RBFOX1: variants seen among roughly 807,000 people sequenced by gnomAD.
RBFOX1 encodes RNA binding protein fox-1 homolog 1.
A neutral mutation model predicts 57.7 loss-of-function variants in RBFOX1; 8 were observed. That is an observed-to-expected ratio of 0.14 (90% CI 0.08 to 0.25). The LOEUF is 0.25. RBFOX1 is among the 10% of genes least tolerant of loss of function. The pLI is 1.00. For missense variants in RBFOX1, 611 were observed against 548.5 expected, an observed-to-expected ratio of 1.11 and a Z score of -1.14; for synonymous variants, 326 against 222.4, an observed-to-expected ratio of 1.47 and a Z score of -4.15.
At chr16:6,695,783 A>C (rs769705995) in intron 3 of RBFOX1, among the ~76,000 whole-genome samples, 1 of 152,226 alleles carries the variant, frequency 6.6e-6, no homozygotes, top group Non-Finnish European at 1.5e-5. Flanking sequence ...AGTAAATAAC[A>C]GTTCTTTGAT....
chr16:7,694,410 G>A (rs1453458797), intron 14 of RBFOX1, among the ~76,000 whole-genome samples: 1 of 152,206 alleles, frequency 6.6e-6, no homozygotes, highest in Non-Finnish European at 1.5e-5. Flanking sequence ...AGGACAGAGA[G>A]CTAGGAACAT....
intron 4 of RBFOX1, among the ~76,000 whole-genome samples, chr16:5,896,986 T>C (rs1053743139): frequency 1.7e-3 from 253 of 144,630 alleles, no homozygotes; most frequent in Admixed American, 3.9e-3. Flanking sequence ...CATAAGGCTC[T>C]CCACCCCCCA....
At chr16:6,673,173 A>G (rs1246454886) in intron 3 of RBFOX1, among the ~76,000 whole-genome samples, 1 of 152,144 alleles carries the variant, frequency 6.6e-6, no homozygotes, top group Admixed American at 6.5e-5. Flanking sequence ...CAGGCTCATC[A>G]TTTTATGGTC....
At chr16:6,444,316 C>T (rs2094443235) in intron 2 of RBFOX1, among the ~76,000 whole-genome samples, 1 of 152,152 alleles carries the variant, frequency 6.6e-6, no homozygotes, top group African/African-American at 2.4e-5. Flanking sequence ...AGCCAATGTT[C>T]CAAGCAGAAG....
At chr16:5,781,458 G>A (rs1352864805) in intron 3 of RBFOX1, among the ~76,000 whole-genome samples, 2 of 152,186 alleles carry the variant, frequency 1.3e-5, no homozygotes, top group East Asian at 3.8e-4. Context: ...AGTAGGCCCA[G>A]CTCAGTCACT....
intron 4 of RBFOX1, among the ~76,000 whole-genome samples, chr16:7,289,795 A>C (rs970342938): frequency 6.6e-6 from 1 of 152,204 alleles, no homozygotes; most frequent in South Asian, 2.1e-4. Flanking sequence ...TAAAAATATT[A>C]GTGCTTGTCT....
At chr16:5,598,098 A>T (rs992715075) in intron 2 of RBFOX1, among the ~76,000 whole-genome samples, 1 of 152,062 alleles carries the variant, frequency 6.6e-6, no homozygotes, top group African/African-American at 2.4e-5. Context: ...GGAGTTCGAG[A>T]CCAGCCTGGC....
intron 4 of RBFOX1, among the ~76,000 whole-genome samples, chr16:7,264,535 C>T (rs1397738530): frequency 2.0e-5 from 3 of 152,138 alleles, no homozygotes; most frequent in Non-Finnish European, 4.4e-5. Flanking sequence ...GTCTCTGCCA[C>T]AAGTATTGAA....
At chr16:7,227,035 G>C (rs529141982) in intron 4 of RBFOX1, among the ~76,000 whole-genome samples, 1 of 151,974 alleles carries the variant, frequency 6.6e-6, no homozygotes, top group African/African-American at 2.4e-5. Context: ...TGTCCTCTCC[G>C]GCATTGCACA....
chr16:6,258,755 G>A (rs760657842), intron 1 of RBFOX1, among the ~76,000 whole-genome samples: 6 of 152,268 alleles, frequency 3.9e-5, no homozygotes, highest in Non-Finnish European at 7.4e-5. Context: ...ATAACTAAGA[G>A]AGTTTAGTTG....
intron 1 of RBFOX1, among the ~76,000 whole-genome samples, chr16:6,247,800 C>A (rs902232824): frequency 2.6e-5 from 4 of 152,168 alleles, no homozygotes; most frequent in African/African-American, 4.8e-5. Context: ...GTGCGAGAGA[C>A]AGAGAGGGAG....
chr16:6,765,055 A>G (rs1187941579), intron 3 of RBFOX1, among the ~76,000 whole-genome samples: 1 of 152,198 alleles, frequency 6.6e-6, no homozygotes, highest in African/African-American at 2.4e-5. Flanking sequence ...CATGAAATTT[A>G]AGCAGAAATC....
intron 4 of RBFOX1, among the ~76,000 whole-genome samples, chr16:7,217,027 C>CCTCCCTCCCTCCCTCCCTT (rs1555582926): frequency 2.1e-5 from 1 of 48,190 alleles, no homozygotes; most frequent in African/African-American, 1.5e-4. Flanking sequence ...CTCCCTCCCT[C>CCTCCCTCCCTCCCTCCCTT]CCTCCCTCCC....
chr16:5,851,167 G>A (rs573856592), intron 3 of RBFOX1, among the ~76,000 whole-genome samples: 3 of 152,272 alleles, frequency 2.0e-5, no homozygotes, highest in Admixed American at 2.0e-4. Context: ...CAGACCCTAT[G>A]ACGGTAGTAA....
intron 2 of RBFOX1, among the ~76,000 whole-genome samples, chr16:6,381,668 A>G (rs1217060764): frequency 6.6e-6 from 1 of 152,030 alleles, no homozygotes; most frequent in Non-Finnish European, 1.5e-5. Context: ...GGCACAGATG[A>G]GTTTGCTTCT....
chr16:5,983,381 C>G (rs1049133274), intron 4 of RBFOX1, among the ~76,000 whole-genome samples: 1 of 152,232 alleles, frequency 6.6e-6, no homozygotes, highest in Admixed American at 6.5e-5. Flanking sequence ...GCGGACAAAT[C>G]TAGTTTTGTC....
At chr16:6,943,347 T>C (rs933845584) in intron 3 of RBFOX1, among the ~76,000 whole-genome samples, 1 of 152,306 alleles carries the variant, frequency 6.6e-6, no homozygotes, top group Admixed American at 6.5e-5. Flanking sequence ...ACTTCTATAT[T>C]TGAGTTCTTG....
At chr16:5,711,929 G>A (rs1472445100) in intron 3 of RBFOX1, among the ~76,000 whole-genome samples, 3 of 152,188 alleles carry the variant, frequency 2.0e-5, no homozygotes, top group Admixed American at 6.5e-5. Context: ...TGTTCTCACA[G>A]TGCTAAAAAG....
intron 2 of RBFOX1, among the ~76,000 whole-genome samples, chr16:6,647,675 C>T (rs111959654): frequency 1.1e-4 from 16 of 152,224 alleles, no homozygotes; most frequent in African/African-American, 3.4e-4. Flanking sequence ...TACATTCAGT[C>T]CATCATACTA....
Sources: gnomAD v4.1 joint callset for allele counts (sites outside exome capture counted in the v4.1 genomes callset) on GRCh38, gnomAD v4.1.1 for gene constraint, MANE v1.5 for transcripts, NCBI Gene and HGNC (gene_info 2026-07-23, HGNC 2026-07-21) for gene names.